Variants in CASK observed in about 807,000 individuals in gnomAD.
CASK encodes peripheral plasma membrane protein CASK.
In CASK, 4 loss-of-function variants were observed where a neutral mutation model predicts 82.9. That is an observed-to-expected ratio of 0.05 (90% CI 0.02 to 0.11). The LOEUF is 0.11. Ranked by LOEUF, CASK falls within the 10% of genes least tolerant of loss-of-function variation. The probability of loss-of-function intolerance (pLI) is 1.00; values close to 1 mark genes in which losing one functional copy is unlikely to be tolerated. For synonymous variants in CASK, 259 were observed against 253.5 expected (o/e 1.02, Z -0.20); for missense variants, 358 against 720.9 (o/e 0.50, Z 5.76).
At chrX:41,867,147 C>T (rs757175115) in intron 1 of CASK, among the ~76,000 whole-genome samples, 1 of 112,170 alleles carries the variant, frequency 8.9e-6, no homozygotes, top group African/African-American at 3.2e-5. Flanking sequence ...GTATTCTACA[C>T]AAACACGGTT....
At chrX:41,633,848 C>T (rs1357388436) in intron 9 of CASK, among the ~76,000 whole-genome samples, 3 of 110,029 alleles carry the variant, frequency 2.7e-5, no homozygotes, top group Non-Finnish European at 5.7e-5. Context: ...CAACCTCCGC[C>T]TCCCAGGCTC....
chrX:41,659,816 T>C (rs1397702013), intron 8 of CASK, among the ~76,000 whole-genome samples: 1 of 109,607 alleles, frequency 9.1e-6, no homozygotes, highest in Non-Finnish European at 1.9e-5. Context: ...CTGGGCGACA[T>C]GGTGAAACCC....
intron 5 of CASK, among the ~76,000 whole-genome samples, chrX:41,679,235 C>G (rs2067314183): frequency 9.0e-6 from 1 of 111,640 alleles, no homozygotes; most frequent in South Asian, 3.7e-4. Flanking sequence ...TTCATTATCC[C>G]ACAAACCTCC....
intron 11 of CASK, among the ~76,000 whole-genome samples, chrX:41,612,565 G>A (rs1417415044): frequency 2.8e-5 from 3 of 106,705 alleles, no homozygotes; most frequent in South Asian, 4.2e-4. Flanking sequence ...CGCCCCGTCC[G>A]GGAGGTGAGG....
intron 2 of CASK, among the ~76,000 whole-genome samples, chrX:41,830,616 C>A (rs187171202): frequency 9.3e-6 from 1 of 107,379 alleles, no homozygotes; most frequent in East Asian, 2.9e-4. Context: ...GTCAGTAGAT[C>A]GAGACCATCC....
intron 2 of CASK, among the ~76,000 whole-genome samples, chrX:41,793,804 T>G (rs779878136): frequency 5.4e-5 from 6 of 111,879 alleles, no homozygotes; most frequent in Non-Finnish European, 1.1e-4. Flanking sequence ...AAATGATACT[T>G]TAAGAAAGGA....
intron 18 of CASK, among the ~76,000 whole-genome samples, chrX:41,557,357 T>G (rs984214499): frequency 2.7e-5 from 3 of 111,921 alleles, no homozygotes; most frequent in Non-Finnish European, 5.6e-5. Context: ...ATACCTTTTC[T>G]TTCTTTTAAT....
chrX:41,812,615 C>A (rs1283563340), intron 2 of CASK, among the ~76,000 whole-genome samples: 7 of 111,438 alleles, frequency 6.3e-5, no homozygotes, highest in Non-Finnish European at 1.1e-4. Flanking sequence ...CTATCTATGA[C>A]AAACCCACAG....
At chrX:41,778,878 A>C (rs984260516) in intron 3 of CASK, among the ~76,000 whole-genome samples, 3 of 110,582 alleles carry the variant, frequency 2.7e-5, no homozygotes, top group Non-Finnish European at 5.7e-5. Context: ...AAAAAAAAAA[A>C]AACCCCAAAC....
intron 18 of CASK, among the ~76,000 whole-genome samples, 158 bp from the exon 19 acceptor site, chrX:41,557,258 T>G: frequency 8.9e-6 from 1 of 112,057 alleles, no homozygotes; most frequent in East Asian, 2.8e-4. Flanking sequence ...CACAGAAGTA[T>G]GAAAAAAATT....
intron 3 of CASK, among the ~76,000 whole-genome samples, chrX:41,749,357 AT>A (rs1176492965): frequency 2.9e-5 from 3 of 104,569 alleles, no homozygotes; most frequent in East Asian, 3.0e-4. Flanking sequence ...GCAAAAAAAA[AT>A]CTCATTATTC....
chrX:41,660,942 G>C (rs1313498345), intron 7 of CASK, among the ~76,000 whole-genome samples: 2 of 112,054 alleles, frequency 1.8e-5, no homozygotes, highest in East Asian at 5.5e-4. Flanking sequence ...TTTAAGATAT[G>C]TTTTAAAAAA....
At chrX:41,768,025 C>T (rs2069148949) in intron 3 of CASK, among the ~76,000 whole-genome samples, 1 of 111,517 alleles carries the variant, frequency 9.0e-6, no homozygotes, top group Non-Finnish European at 1.9e-5. Context: ...AATTGTTTAT[C>T]TAATTATTTC....
At chrX:41,542,093 T>C (rs1175535869) in intron 22 of CASK, among the ~76,000 whole-genome samples, 1 of 112,267 alleles carries the variant, frequency 8.9e-6, no homozygotes, top group Non-Finnish European at 1.9e-5. Context: ...TGGGCAAACA[T>C]ACATACTATA....
intron 5 of CASK, among the ~76,000 whole-genome samples, chrX:41,690,341 T>C (rs965916261): frequency 2.3e-4 from 11 of 48,868 alleles, no homozygotes; most frequent in Non-Finnish European, 3.0e-4. Flanking sequence ...TTGTGATTTT[T>C]AATTAAAAAA....
chrX:41,559,431 G>C, intron 18 of CASK: 1 of 223,693 alleles, frequency 4.5e-6, no homozygotes, highest in Non-Finnish European at 8.3e-6. Flanking sequence ...AACAAGGGAA[G>C]TGAATGAACT....
chrX:41,904,752 C>T (rs1250640466), intron 1 of CASK, among the ~76,000 whole-genome samples: 2 of 111,345 alleles, frequency 1.8e-5, no homozygotes, highest in East Asian at 5.6e-4. Context: ...AATGCTCCAC[C>T]CTCAAGTAGG....
chrX:41,787,236 T>C lies in CASK; in HGVS notation c.220A>G (p.Ile74Val). ...CTATATGTCTCCAATAACTCTACAA[T>C]GTGTGGATGTTTCAGCATATGACAG... ...SICHMLKHPH[I>V]VELLETYSSD... The change falls in exon 3 of 27, where the codon ATT becomes GTT. Residue 74 changes from isoleucine to valine, a missense_variant. By Grantham distance (29) the Ile-to-Val change is conservative. This residue lies in a region of CASK where 70 missense variants were observed against 228.4 expected (regional missense o/e 0.31). Transcript: ENST00000378163. 1.7e-6 allele frequency: 2 copies of C among 1,198,250 alleles called. No homozygotes were observed. The highest frequency in any genetic ancestry group is 2.3e-6 in the Non-Finnish European group (2 of 883,408).
At chrX:41,736,567 G>A (rs2068503920) in intron 5 of CASK, among the ~76,000 whole-genome samples, 3 of 112,022 alleles carry the variant, frequency 2.7e-5, no homozygotes, top group African/African-American at 6.5e-5. Flanking sequence ...CAACATTAAC[G>A]TGTGCTCTGT....
Sources: gnomAD v4.1 joint callset for allele counts (sites outside exome capture counted in the v4.1 genomes callset) on GRCh38, gnomAD v4.1.1 for gene constraint, gnomAD v4.1.1 regional missense constraint, MANE v1.5 for transcripts, NCBI Gene and HGNC (gene_info 2026-07-23, HGNC 2026-07-21) for gene names.